Variants in MAP2K2 observed in about 807,000 individuals in gnomAD.
MAP2K2 encodes the protein mitogen-activated protein kinase kinase 2.
Under a neutral mutation model 43.7 loss-of-function variants are expected in MAP2K2, and 24 were observed. The observed-to-expected ratio is 0.55, with a 90% CI of 0.40 to 0.77. The LOEUF (loss-of-function observed/expected upper bound fraction) is 0.77. Ranked by LOEUF, MAP2K2 falls within the 30% of genes least tolerant of loss-of-function variation. MAP2K2 has a pLI of 0.00. For missense variants in MAP2K2, 470 were observed against 566.8 expected, an observed-to-expected ratio of 0.83 and a Z score of 1.73; for synonymous variants, 244 against 239.7, an observed-to-expected ratio of 1.02 and a Z score of -0.17.
At chr19:4,105,290 G>A (rs971923665) in intron 3 of MAP2K2, among the ~76,000 whole-genome samples, 1 of 150,620 alleles carries the variant, frequency 6.6e-6, no homozygotes, top group African/African-American at 2.5e-5. Context: ...TTTTCCTGAG[G>A]CGGAGTCTCG....
intron 8 of MAP2K2, among the ~76,000 whole-genome samples, chr19:4,096,213 C>T (rs895988266): frequency 1.3e-5 from 2 of 152,088 alleles, no homozygotes; most frequent in African/African-American, 4.8e-5. Flanking sequence ...CGGGAAGAGG[C>T]GGGGGAGAGG....
rs1202190433 is a variant in MAP2K2 at position 4,101,484 on chromosome 19, G to C, written c.529-204C>G. On this transcript the variant is annotated intron_variant, in intron 4 of 10. Coordinates refer to ENST00000262948, the MANE Select transcript of MAP2K2 (RefSeq NM_030662.4). The surrounding 1 kb of genome is among the most constrained non-coding windows in gnomAD (Gnocchi z 6.3). ...GACAGCCCTGTGCTGGCGTGTGCAA[G>C]TCAACCCCGGTTCCCATGGCCGCAG... 6.6e-6 allele frequency among the ~76,000 whole-genome samples: 1 copy of C among 152,218 alleles called. No homozygotes were observed. Among genetic ancestry groups the C allele is most frequent in the East Asian group, 1.9e-4 (1 of 5,194 alleles).
intron 10 of MAP2K2, among the ~76,000 whole-genome samples, chr19:4,093,150 G>A (rs893668670): frequency 2.0e-5 from 3 of 151,886 alleles, no homozygotes; most frequent in Middle Eastern, 3.4e-3. Flanking sequence ...CCTGGGAGGC[G>A]GAGGTTGCAG....
At position 4,122,932 on chromosome 19, in the gene MAP2K2, G is replaced by A. The variant is rs1177749207; in HGVS notation, c.92+852C>T. Among the ~76,000 whole-genome samples, 3 of 151,120 alleles carry A rather than the reference G, an allele frequency of 2.0e-5. No individual in the cohort carries two copies. In the East Asian group the frequency reaches 5.9e-4, roughly 30 times the overall value. On this transcript the variant is annotated intron_variant, in intron 1 of 10. Transcript: ENST00000262948. ...ACCCCATCTCAGTCTCATTACTCAG[G>A]GACCCCTCACCCCATCCTCTCCCCT... is the stretch of plus-strand genomic sequence containing the variant.
At chr19:4,114,103 C>T (rs528847409) in intron 2 of MAP2K2, among the ~76,000 whole-genome samples, 2 of 152,280 alleles carry the variant, frequency 1.3e-5, no homozygotes, top group Admixed American at 6.5e-5. Context: ...CACTGGGCAG[C>T]GTAGCAAGCC....
At position 4,110,617 on chromosome 19, in the gene MAP2K2, C is replaced by T. The variant is rs1299789389; in HGVS notation, c.342G>A (p.Gln114=). 6.2e-7 allele frequency: 1 copy of T among 1,613,824 alleles called. No homozygotes were observed. Among genetic ancestry groups the T allele is most frequent in the Non-Finnish European group, 8.5e-7 (1 of 1,180,026 alleles). ...HLEIKPAIRN[Q]IIRELQVLHE... Reference sequence around the variant, plus strand: ...GCAGGACCTGCAGCTCGCGGATGATCTGGTTCCGGATGGCCGGCTTGATCT... The same window carrying T: ...GCAGGACCTGCAGCTCGCGGATGATTTGGTTCCGGATGGCCGGCTTGATCT... Residue 114 remains glutamine (Q), a synonymous_variant, in exon 3 of 11, where the codon CAG becomes CAA. Transcript: ENST00000262948.
chr19:4,097,954 G>C (rs976889915), intron 7 of MAP2K2, among the ~76,000 whole-genome samples: 19 of 152,172 alleles, frequency 1.2e-4, no homozygotes, highest in Non-Finnish European at 7.3e-5. Flanking sequence ...ATAAGGACTT[G>C]GGGGCCTCTC....
chr19:4,094,885 C>A (rs918188550), intron 9 of MAP2K2: 2 of 397,124 alleles, frequency 5.0e-6, no homozygotes, highest in Non-Finnish European at 9.4e-6. Context: ...TGCCGTTCCA[C>A]GGCGTCCCGA....
chr19:4,101,865 C>T lies in MAP2K2; in HGVS notation c.528+511G>A, dbSNP rs1040718817. The stretch of plus-strand genomic sequence containing the variant: ...ATGGGCAGGCGGGACTCGGCCCCTG[C>T]TATGGACAAGGTGCAAGCTCCAAGA... On this transcript the variant is annotated intron_variant, in intron 4 of 10. Coordinates refer to ENST00000262948, the MANE Select transcript of MAP2K2 (RefSeq NM_030662.4). This position sits in a 1 kb window ranked among gnomAD's most constrained non-coding sequence, Gnocchi z 6.3. Among the ~76,000 whole-genome samples, 3 of 152,140 alleles carry T rather than the reference C, an allele frequency of 2.0e-5. No individual in the cohort carries two copies. Among genetic ancestry groups the T allele is most frequent in the Non-Finnish European group, 4.4e-5 (3 of 68,022 alleles).
chr19:4,116,789 G>A (rs2041226806), intron 2 of MAP2K2, among the ~76,000 whole-genome samples: 1 of 151,852 alleles, frequency 6.6e-6, no homozygotes, highest in Non-Finnish European at 1.5e-5. Context: ...AATGAGCTGG[G>A]CCTGGTGGTG....
intron 7 of MAP2K2, 136 bp downstream of exon 7, chr19:4,099,065 C>A: frequency 1.3e-6 from 1 of 745,478 alleles, no homozygotes. Flanking sequence ...GGGAGGACTG[C>A]TGACCACAGT....
chr19:4,110,474 G>C (rs2041139309), intron 3 of MAP2K2, 35 bp downstream of exon 3: 1 of 1,610,304 alleles, frequency 6.2e-7, no homozygotes. Context: ...GTTCCGTGGA[G>C]GCCCTGCCCC....
Position 4,095,418 on chromosome 19 carries a change from G to C in MAP2K2, c.1016C>G (p.Thr339Ser). Residue 339 changes from threonine to serine, a missense_variant, in exon 9 of 11, where the codon ACC (threonine) becomes AGC (serine). This residue lies in a region of MAP2K2 where 212 missense variants were observed against 220.8 expected (regional missense o/e 0.96). Transcript: ENST00000262948. ...PPPKLPNGVF[T>S]PDFQEFVNKC... ...ATTGACAAACTCCTGGAAGTCGGGGGTGAACACACCGTTGGGCAGCTTAGG... is the reference window on the plus strand; with the variant it reads ...ATTGACAAACTCCTGGAAGTCGGGGCTGAACACACCGTTGGGCAGCTTAGG... 1 of 1,551,388 alleles carries C rather than the reference G, an allele frequency of 6.4e-7. No individual in the cohort carries two copies. Among genetic ancestry groups the C allele is most frequent in the Non-Finnish European group, 8.7e-7 (1 of 1,146,886 alleles).
rs2041014989 is a variant in MAP2K2, at chr19:4,101,728, G to A, written c.529-448C>T. On this transcript the variant is annotated intron_variant, in intron 4 of 10. Transcript: ENST00000262948. This position sits in a 1 kb window ranked among gnomAD's most constrained non-coding sequence, Gnocchi z 6.3. ...ACGATGTTTCCCCCAGGCCCGCCCT[G>A]GAAGCAGCATCCCGAGAAGTGAAGC... 6.6e-6 allele frequency among the ~76,000 whole-genome samples: 1 copy of A among 152,148 alleles called. No individual in the cohort carries two copies. The highest frequency in any genetic ancestry group is 2.4e-5 in the African/African-American group (1 of 41,424).
chr19:4,123,564 CGTCCTCCCCCG>C (rs2041328619), intron 1 of MAP2K2, among the ~76,000 whole-genome samples: 1 of 88,352 alleles, frequency 1.1e-5, no homozygotes, highest in South Asian at 3.0e-4. Flanking sequence ...CCCCCTGCCC[CGTCCTCCCCCG>C]AGGGCCCCCT....
At chr19:4,094,215 C>A (rs376666299) in intron 10 of MAP2K2, among the ~76,000 whole-genome samples, 1 of 152,250 alleles carries the variant, frequency 6.6e-6, no homozygotes, top group African/African-American at 2.4e-5. Context: ...GAGCTCAGAG[C>A]CCAGAGCTGT....
intron 8 of MAP2K2, 61 bp downstream of exon 8, chr19:4,097,218 A>AAG: frequency 8.3e-7 from 1 of 1,204,256 alleles, no homozygotes; most frequent in Non-Finnish European, 1.2e-6. Context: ...AAAAAAAAAA[A>AAG]AAAAAAAAAA....
At chr19:4,111,247 G>A (rs1409879866) in intron 2 of MAP2K2, among the ~76,000 whole-genome samples, 1 of 152,138 alleles carries the variant, frequency 6.6e-6, no homozygotes, top group Non-Finnish European at 1.5e-5. Flanking sequence ...AATCCACTGA[G>A]TCACATACTT....
At chr19:4,099,534 TAG>T (rs2040971239) in intron 6 of MAP2K2, 120 bp from the exon 7 acceptor site, 4 of 797,926 alleles carry the variant, frequency 5.0e-6, no homozygotes, top group Non-Finnish European at 6.2e-6. Context: ...CAGCAATGGA[TAG>T]AGAGCTGTTA....
Sources: allele counts gnomAD v4.1 joint callset (sites outside exome capture counted in the v4.1 genomes callset), GRCh38; gene constraint gnomAD v4.1.1; regional missense constraint gnomAD v4.1.1; non-coding constraint Gnocchi (gnomAD v3.1); transcripts MANE v1.5; gene names NCBI Gene and HGNC (gene_info 2026-07-23, HGNC 2026-07-21).